EXTL3: variants seen among roughly 807,000 people sequenced by gnomAD.
EXTL3 encodes exostosin like glycosyltransferase 3.
Under a neutral mutation model 69.3 loss-of-function variants are expected in EXTL3, and 27 were observed. That is an observed-to-expected ratio of 0.39 (90% CI 0.29 to 0.54). The LOEUF is 0.54. Ranked by LOEUF, EXTL3 falls within the 20% of genes least tolerant of loss-of-function variation. The pLI is 0.69. For missense variants in EXTL3, 1,003 were observed against 1,231.8 expected (o/e 0.81, Z 2.78); for synonymous variants, 511 against 499.4 (o/e 1.02, Z -0.31).
At position 28,718,202 on chromosome 8, in the gene EXTL3, A is replaced by G; in HGVS notation, c.2143A>G (p.Ile715Val). 1 of 1,614,020 alleles carries G rather than the reference A, an allele frequency of 6.2e-7. No individual in the cohort carries two copies. Among genetic ancestry groups the G allele is most frequent in the Non-Finnish European group, 8.5e-7 (1 of 1,179,932 alleles). ...DLLWPDIGVPIMVVRTEKNSL... is the reference protein window; with the variant it reads ...DLLWPDIGVPVMVVRTEKNSL... ...TCTGTGGCCTGACATTGGCGTCCCC[A>G]TCATGGTAATAGAGAAACGAACAGT... Residue 715 changes from isoleucine (I) to valine (V), a missense_variant, in exon 3 of 7, where the codon ATC becomes GTC. This residue lies in a region of EXTL3 where 261 missense variants were observed against 416.4 expected (regional missense o/e 0.63). Transcript: ENST00000220562.
intron 1 of EXTL3, among the ~76,000 whole-genome samples, chr8:28,669,510 T>G (rs1257314867): frequency 6.6e-6 from 1 of 152,232 alleles, no homozygotes; most frequent in Non-Finnish European, 1.5e-5. Flanking sequence ...TTCAAAAGTA[T>G]GTCTGAGAGC....
rs141174121 is a variant in EXTL3, at chr8:28,666,247, CTCTTT to C, written c.-53+43455_-53+43459del. ...AGGTTCTTTCTTGCTTTCTTGCTGT[CTCTTT>C]TCTTTTCTTTTCTTTTCCTTCCTTC... On this transcript the variant is annotated intron_variant, in intron 1 of 6. Coordinates refer to the EXTL3 transcript ENST00000523149. Among the ~76,000 whole-genome samples the C allele has an allele frequency of 3.1e-3, 473 of 152,102 alleles. 4 individuals are homozygous for C. Among genetic ancestry groups the C allele is most frequent in the African/African-American group, 9.9e-3 (409 of 41,456 alleles).
intron 4 of EXTL3, among the ~76,000 whole-genome samples, chr8:28,733,238 C>A (rs1801576441): frequency 6.6e-6 from 1 of 152,104 alleles, no homozygotes; most frequent in Non-Finnish European, 1.5e-5. Context: ...TTCACGGTGG[C>A]AGCCCCATAT....
intron 1 of EXTL3, among the ~76,000 whole-genome samples, chr8:28,654,638 A>G (rs901257837): frequency 1.3e-5 from 2 of 152,184 alleles, no homozygotes; most frequent in East Asian, 1.9e-4. Flanking sequence ...TGTTGAATCC[A>G]TGTTCAATAT....
At chr8:28,706,128 C>T (rs941195496) in intron 1 of EXTL3, among the ~76,000 whole-genome samples, 8 of 152,136 alleles carry the variant, frequency 5.3e-5, no homozygotes, top group Non-Finnish European at 1.2e-4. Flanking sequence ...TTTGTTTAAC[C>T]TTGCTCCTAG....
intron 1 of EXTL3, among the ~76,000 whole-genome samples, chr8:28,677,203 T>C (rs188010819): frequency 2.0e-5 from 3 of 152,290 alleles, no homozygotes; most frequent in African/African-American, 7.2e-5. Context: ...GAGATGTGCA[T>C]GGTAAAAATA....
At chr8:28,688,947 T>C (rs1800568726) in intron 1 of EXTL3, among the ~76,000 whole-genome samples, 1 of 152,244 alleles carries the variant, frequency 6.6e-6, no homozygotes, top group Non-Finnish European at 1.5e-5. Context: ...CATTCTTTTC[T>C]GAGATTTAAG....
intron 2 of EXTL3, among the ~76,000 whole-genome samples, chr8:28,608,958 A>G (rs1444272657): frequency 6.6e-6 from 1 of 152,188 alleles, no homozygotes; most frequent in Non-Finnish European, 1.5e-5. Context: ...GCGGAGAATT[A>G]AAATAAAATG....
At chr8:28,617,600 A>G (rs938429668) in intron 2 of EXTL3, among the ~76,000 whole-genome samples, 3 of 152,160 alleles carry the variant, frequency 2.0e-5, no homozygotes, top group Non-Finnish European at 4.4e-5. Context: ...CCTGGGCAAC[A>G]TGGCAAAACC....
At chr8:28,714,432 GA>G (rs1801097957) in intron 2 of EXTL3, among the ~76,000 whole-genome samples, 1 of 152,152 alleles carries the variant, frequency 6.6e-6, no homozygotes, top group Non-Finnish European at 1.5e-5. Context: ...AGAAGCTAGA[GA>G]AAGTGGTTGT....
Position 28,623,328 on chromosome 8 carries a change from G to A in EXTL3, c.-53+518G>A, listed in dbSNP as rs79910433. 9.6e-3 allele frequency among the ~76,000 whole-genome samples: 1,469 copies of A among 152,290 alleles called. 13 individuals are homozygous for A. Among genetic ancestry groups the A allele is most frequent in the African/African-American group, 0.026 (1,061 of 41,560 alleles). On this transcript the variant is annotated intron_variant, in intron 1 of 6. Transcript: ENST00000523149. The surrounding 1 kb of genome is among the most constrained non-coding windows in gnomAD (Gnocchi z 4.2). ...AGCCCCAAACACACCTACCCCAGAG[G>A]ACACCACAGAATGCGGACCCCAAAG...
chr8:28,734,695 T>TAAAACAAAACAAAACAAAACAAAAC (rs555101633), intron 4 of EXTL3, among the ~76,000 whole-genome samples: 1 of 152,098 alleles, frequency 6.6e-6, no homozygotes, highest in African/African-American at 2.4e-5. Context: ...GCAACAGAGC[T>TAAAACAAAACAAAACAAAACAAAAC]AAAACAAAAC....
At chr8:28,625,011 T>C (rs1806470023) in intron 1 of EXTL3, among the ~76,000 whole-genome samples, 1 of 152,254 alleles carries the variant, frequency 6.6e-6, no homozygotes, top group South Asian at 2.1e-4. Flanking sequence ...TTCCAATGCC[T>C]GTATGCTTCC....
In EXTL3 at chr8:28,713,472, A is replaced by G. The variant is rs1801073352; in HGVS notation, c.-554A>G. The G allele has an allele frequency of 2.9e-6, 2 of 696,786 alleles. No homozygotes were observed. The highest frequency in any genetic ancestry group is 5.2e-6 in the Non-Finnish European group (2 of 383,114). 43.2% of individuals were successfully genotyped at this position (696,786 alleles called of 1,614,324 possible). On this transcript the variant is annotated 5_prime_UTR_variant, in exon 2 of 7. Transcript: ENST00000220562. ...TTTAAATCAGGAGAGCAAGCCCTGG[A>G]GGTTCACTCTTTCAAGAAGTCGTGT...
chr8:28,626,627 A>G (rs938274340), intron 1 of EXTL3, among the ~76,000 whole-genome samples: 4 of 152,214 alleles, frequency 2.6e-5, no homozygotes, highest in Non-Finnish European at 5.9e-5. Context: ...TGTGTTCACT[A>G]TCCCTGAATC....
In EXTL3 at chr8:28,754,307, G is replaced by A. The variant is rs1585306479; in HGVS notation, c.*3441G>A. ...AGGGCACTGAGCTGTGGGCTTCGGG[G>A]AGAAGGATGGAGATGGGAAAGGGGG... On this transcript the variant is annotated 3_prime_UTR_variant, in exon 7 of 7. Transcript: ENST00000220562. The A allele has an allele frequency of 6.6e-6, 1 of 152,552 alleles. No individual in the cohort carries two copies. The highest frequency in any genetic ancestry group is 2.4e-5 in the African/African-American group (1 of 41,462). The allele number at this position is 152,552 out of a possible 1,614,324, so 9.4% of individuals were successfully genotyped here.
chr8:28,639,178 C>T (rs1420176634), intron 1 of EXTL3, among the ~76,000 whole-genome samples: 4 of 152,012 alleles, frequency 2.6e-5, no homozygotes, highest in Non-Finnish European at 5.9e-5. Context: ...CCTTGTGATT[C>T]GCCTGCCTCG....
At chr8:28,609,765 C>T (rs1409165184) in intron 2 of EXTL3, among the ~76,000 whole-genome samples, 5 of 151,556 alleles carry the variant, frequency 3.3e-5, no homozygotes, top group Admixed American at 3.3e-4. Flanking sequence ...TGGTGTGAGC[C>T]CATAGTCCCA....
intron 4 of EXTL3, among the ~76,000 whole-genome samples, chr8:28,735,027 T>G (rs536213279): frequency 6.6e-6 from 1 of 152,348 alleles, no homozygotes; most frequent in South Asian, 2.1e-4. Context: ...GACCTCTTGC[T>G]TAGTGTATTA....
Sources: allele counts gnomAD v4.1 joint callset (sites outside exome capture counted in the v4.1 genomes callset), GRCh38; gene constraint gnomAD v4.1.1; regional missense constraint gnomAD v4.1.1; non-coding constraint Gnocchi (gnomAD v3.1); transcripts MANE v1.5; gene names NCBI Gene and HGNC (gene_info 2026-07-23, HGNC 2026-07-21).